Variants in ATG14 observed in about 807,000 individuals in gnomAD.
ATG14 encodes the protein autophagy related 14.
ATG14 carries 35 observed loss-of-function variants against 60.4 expected under a neutral mutation model. The ratio of observed to expected loss-of-function variants is 0.58; its 90% confidence interval spans 0.44 to 0.77. The LOEUF (loss-of-function observed/expected upper bound fraction) is 0.77, where lower values mean the gene tolerates loss of function less well. Among genes scored for constraint, ATG14 ranks in the 30% least tolerant of loss-of-function variants. The pLI is 0.00. For missense variants in ATG14, 647 were observed against 626.3 expected (o/e 1.03, Z -0.35); for synonymous variants, 234 against 228.8 (o/e 1.02, Z -0.21).
chr14:55,385,872 T>G lies in ATG14; in HGVS notation c.634A>C (p.Lys212Gln). The G allele has an allele frequency of 1.2e-6, 2 of 1,611,762 alleles. No homozygotes were observed. Among genetic ancestry groups the G allele is most frequent in the Non-Finnish European group, 1.7e-6 (2 of 1,178,602 alleles). The change falls in exon 5 of 10, where the codon AAG (lysine) becomes CAG (glutamine). Residue 212 changes from lysine to glutamine, a missense_variant. Lys to Gln is a moderately conservative substitution (Grantham distance 53). Coordinates refer to ENST00000247178, the MANE Select transcript of ATG14 (RefSeq NM_014924.5). ...TGCTTAATGTACCTCACACCCGTCTTTACTTCCTCGATTGGAAAAATGACA... is the reference window on the plus strand; with the variant it reads ...TGCTTAATGTACCTCACACCCGTCTGTACTTCCTCGATTGGAAAAATGACA... Reference protein sequence around the residue: ...TSVIFPIEEVKTGVRDPADVS... With the variant: ...TSVIFPIEEVQTGVRDPADVS...
intron 7 of ATG14, among the ~76,000 whole-genome samples, chr14:55,378,923 G>T (rs1366205114): frequency 1.3e-5 from 2 of 151,884 alleles, no homozygotes; most frequent in African/African-American, 4.8e-5. Flanking sequence ...TCCCAGGCTG[G>T]TCTCTAACTC....
At chr14:55,407,133 T>A (rs1309389399) in intron 1 of ATG14, among the ~76,000 whole-genome samples, 2 of 152,054 alleles carry the variant, frequency 1.3e-5, no homozygotes, top group African/African-American at 4.8e-5. Context: ...AGCTAATTTT[T>A]GTTTTTGTTT....
Position 55,382,131 on chromosome 14 carries a change from C to A in ATG14, c.708G>T (p.Lys236Asn). 1.9e-6 allele frequency: 3 copies of A among 1,614,116 alleles called. No individual in the cohort carries two copies. The highest frequency in any genetic ancestry group is 2.5e-6 in the Non-Finnish European group (3 of 1,180,028). ...AAGTTGTCCTCCGGGCTTCAGCAAG[C>A]TTGCTCACAGTGCTGGAGGTCATGG... The part of the protein sequence containing the change: ...DSAMTSSTVS[K>N]LAEARRTTYL... Residue 236 changes from lysine (K) to asparagine (N), a missense_variant, in exon 6 of 10, where the codon AAG becomes AAT. Transcript: ENST00000247178.
chr14:55,383,055 C>T (rs1425894205), intron 5 of ATG14, among the ~76,000 whole-genome samples: 1 of 152,044 alleles, frequency 6.6e-6, no homozygotes, highest in Non-Finnish European at 1.5e-5. Context: ...AATAGCATCC[C>T]ACAAAAAGAG....
At chr14:55,388,990 C>T (rs1377990710) in intron 4 of ATG14, among the ~76,000 whole-genome samples, 1 of 152,068 alleles carries the variant, frequency 6.6e-6, no homozygotes, top group Non-Finnish European at 1.5e-5. Context: ...CCATCACGTT[C>T]AAGCATGTGA....
In ATG14 at chr14:55,369,910, T is replaced by G; in HGVS notation, c.1188A>C (p.Glu396Asp). ...TGGACTCCTCAAGGTCTGCTCGTAC[T>G]TCAAAGGGCCCTGACCTGTGTGCAG... ...SEHLGRSGPF[E>D]VRADLEESME... Residue 396 changes from glutamate (E) to aspartate (D), a missense_variant, in exon 10 of 10, where the codon GAA becomes GAC. Physicochemically the swap from Glu to Asp is conservative, Grantham distance 45. Coordinates refer to ENST00000247178, the MANE Select transcript of ATG14 (RefSeq NM_014924.5). 2.5e-6 allele frequency: 4 copies of G among 1,611,092 alleles called. No homozygotes were observed. The highest frequency in any genetic ancestry group is 3.4e-6 in the Non-Finnish European group (4 of 1,178,040).
At chr14:55,381,933 T>G in intron 6 of ATG14, 29 bp downstream of exon 6, 1 of 1,574,376 alleles carries the variant, frequency 6.4e-7, no homozygotes. Context: ...TCTCTATATA[T>G]AGATTTCAAA....
chr14:55,386,070 C>T lies in ATG14; in HGVS notation c.436G>A (p.Glu146Lys). 6.2e-7 allele frequency: 1 copy of T among 1,610,858 alleles called. No individual in the cohort carries two copies. The highest frequency in any genetic ancestry group is 8.5e-7 in the Non-Finnish European group (1 of 1,179,258). Reference sequence around the variant, plus strand: ...CGACTGTAAAGCTTCTGATTCTTTTCCTTGGTTTTGAGAAGGCCTTCAGAA... The same window carrying T: ...CGACTGTAAAGCTTCTGATTCTTTTTCTTGGTTTTGAGAAGGCCTTCAGAA... Reference protein sequence around the residue: ...KNSEGLLKTKEKNQKLYSRAQ... With the variant: ...KNSEGLLKTKKKNQKLYSRAQ... Residue 146 changes from glutamate (E) to lysine (K), a missense_variant, in exon 5 of 10, where the codon GAA becomes AAA. Coordinates refer to ENST00000247178, the MANE Select transcript of ATG14 (RefSeq NM_014924.5).
intron 4 of ATG14, among the ~76,000 whole-genome samples, chr14:55,386,954 A>G (rs763091195): frequency 6.6e-6 from 1 of 152,062 alleles, no homozygotes; most frequent in Non-Finnish European, 1.5e-5. Flanking sequence ...CTACTTCAAG[A>G]TTATTTTTGA....
At chr14:55,386,301 T>G (rs1170770743) in intron 4 of ATG14, among the ~76,000 whole-genome samples, 2 of 152,238 alleles carry the variant, frequency 1.3e-5, no homozygotes, top group Non-Finnish European at 2.9e-5. Context: ...ATGATTAAAA[T>G]GACTCTGGAT....
At position 55,385,915 on chromosome 14, in the gene ATG14, A is replaced by G; in HGVS notation, c.591T>C (p.His197=). 6.2e-7 allele frequency: 1 copy of G among 1,614,088 alleles called. No homozygotes were observed. Among genetic ancestry groups the G allele is most frequent in the Non-Finnish European group, 8.5e-7 (1 of 1,180,016 alleles). The change falls in exon 5 of 10, where the codon CAT becomes CAC. Residue 197 remains histidine (H), a synonymous_variant. Transcript: ENST00000247178. ...YERLANLRRS[H]ILELTSVIFP... is the part of the protein sequence containing the mutation. ...AAATGACAGAGGTGAGCTCTAATATATGGGATCGTCGAAGATTTGCCAGAC... is the reference window on the plus strand; with the variant it reads ...AAATGACAGAGGTGAGCTCTAATATGTGGGATCGTCGAAGATTTGCCAGAC...
At chr14:55,405,478 T>G (rs1451614252) in intron 1 of ATG14, among the ~76,000 whole-genome samples, 1 of 152,218 alleles carries the variant, frequency 6.6e-6, no homozygotes, top group Non-Finnish European at 1.5e-5. Context: ...ATCTATATGT[T>G]CATACAATTT....
chr14:55,391,563 G>T (rs1199574562), intron 3 of ATG14, among the ~76,000 whole-genome samples: 1 of 151,846 alleles, frequency 6.6e-6, no homozygotes, highest in Admixed American at 6.6e-5. Flanking sequence ...AAAAGTTGAA[G>T]GACATTCTCT....
intron 1 of ATG14, among the ~76,000 whole-genome samples, chr14:55,405,218 A>T (rs1443872730): frequency 6.6e-6 from 1 of 152,234 alleles, no homozygotes; most frequent in East Asian, 1.9e-4. Flanking sequence ...TTTACGGGCC[A>T]CAGTGGCTGA....
At chr14:55,387,769 A>G (rs1054809803) in intron 4 of ATG14, among the ~76,000 whole-genome samples, 2 of 151,918 alleles carry the variant, frequency 1.3e-5, no homozygotes, top group Admixed American at 6.6e-5. Flanking sequence ...CCCGGGTTCA[A>G]TTGATTCTCC....
Position 55,369,864 on chromosome 14 carries a change from C to T in ATG14, c.1234G>A (p.Val412Ile). 1 of 1,614,180 alleles carries T rather than the reference C, an allele frequency of 6.2e-7. No individual in the cohort carries two copies. Among genetic ancestry groups the T allele is most frequent in the Non-Finnish European group, 8.5e-7 (1 of 1,180,010 alleles). The part of the protein sequence containing the change: ...EESMEFVDPG[V>I]AGESDESGDE... ...CCGCTCTCATCTGATTCTCCAGCAA[C>T]TCCGGGATCCACAAATTCCATGGAC... The change falls in exon 10 of 10, where the codon GTT becomes ATT. Residue 412 changes from valine (V) to isoleucine (I), a missense_variant. Coordinates refer to ENST00000247178, the MANE Select transcript of ATG14 (RefSeq NM_014924.5).
chr14:55,372,403 C>T (rs1269067742), intron 9 of ATG14, among the ~76,000 whole-genome samples: 2 of 152,060 alleles, frequency 1.3e-5, no homozygotes, highest in East Asian at 3.9e-4. Flanking sequence ...TTTACTAAAC[C>T]AAAGATGCTC....
chr14:55,405,521 T>G (rs1452139531), intron 1 of ATG14, among the ~76,000 whole-genome samples: 3 of 152,256 alleles, frequency 2.0e-5, no homozygotes, highest in East Asian at 1.9e-4. Context: ...TGAAAATCAG[T>G]GGCTCCTAAA....
chr14:55,409,085 C>A (rs1471906625), intron 1 of ATG14, among the ~76,000 whole-genome samples: 1 of 152,136 alleles, frequency 6.6e-6, no homozygotes, highest in Non-Finnish European at 1.5e-5. Flanking sequence ...GAGATCACTA[C>A]GTAGTCAGGA....
Sources: allele counts gnomAD v4.1 joint callset (sites outside exome capture counted in the v4.1 genomes callset), GRCh38; gene constraint gnomAD v4.1.1; transcripts MANE v1.5; gene names NCBI Gene and HGNC (gene_info 2026-07-23, HGNC 2026-07-21).